Variants in DST observed in about 807,000 individuals in gnomAD.
The protein encoded by DST is bullous pemphigoid antigen.
DST carries 253 observed loss-of-function variants against 875.2 expected under a neutral mutation model. That is an observed-to-expected ratio of 0.29 (90% CI 0.26 to 0.32). DST has a LOEUF of 0.32. DST is among the 10% of genes least tolerant of loss of function. The pLI is 1.00. For synonymous variants in DST, 3,124 were observed against 3,197.1 expected, an observed-to-expected ratio of 0.98 and a Z score of 0.77; for missense variants, 8,287 against 9,111.6, an observed-to-expected ratio of 0.91 and a Z score of 3.68.
At chr6:56,485,169 G>A (rs1394590853) in intron 88 of DST, 143 bp downstream of exon 88, 8 of 865,156 alleles carry the variant, frequency 9.2e-6, no homozygotes, top group African/African-American at 5.1e-5. Flanking sequence ...CTGCTCAAAC[G>A]GACACATATT....
At chr6:56,916,800 A>T (rs960829702) in intron 2 of DST, among the ~76,000 whole-genome samples, 22 of 148,180 alleles carry the variant, frequency 1.5e-4, no homozygotes, top group African/African-American at 4.3e-4. Flanking sequence ...ACACACACAC[A>T]CACACACACA....
At position 56,466,064 on chromosome 6, in the gene DST, A is replaced by G; in HGVS notation, c.22687+14T>C. The G allele has an allele frequency of 6.4e-7, 1 of 1,574,612 alleles. No individual in the cohort carries two copies. The highest frequency in any genetic ancestry group is 2.2e-5 in the East Asian group (1 of 44,542). ...AATACTTTCATGATGTTATCATGAT[A>G]AGCATCTCCTTACCCCTGCAAGGAT... On this transcript the variant is annotated intron_variant, in intron 99 of 103. Transcript: ENST00000680361.
At chr6:56,700,409 T>A (rs914805639) in intron 8 of DST, among the ~76,000 whole-genome samples, 12 of 152,078 alleles carry the variant, frequency 7.9e-5, no homozygotes, top group East Asian at 1.9e-4. Flanking sequence ...TTAGAAAAAA[T>A]TTTGTCTTTT....
rs750052381 is a variant in DST, at chr6:56,458,964, T to C, written c.*41A>G. 1.7e-5 allele frequency: 25 copies of C among 1,497,364 alleles called. No homozygotes were observed. The highest frequency in any genetic ancestry group is 1.1e-4 in the East Asian group (5 of 43,490). The allele number at this position is 1,497,364 out of a possible 1,614,324, so 92.8% of individuals were successfully genotyped here. A position where few individuals can be genotyped will look rare whatever the true frequency, so the allele number is the denominator to read the frequency against. ...ATATTTTACATCGTTCAAACTTAAA[T>C]AATAAATGCTCAAGGAAGGGCCTTG... On this transcript the variant is annotated 3_prime_UTR_variant, in exon 104 of 104. Transcript: ENST00000680361.
intron 3 of DST, chr6:56,871,753 G>A (rs544674973): frequency 3.6e-5 from 12 of 337,788 alleles, no homozygotes; most frequent in Admixed American, 1.1e-4. Context: ...TAAATTCAGC[G>A]TTAAAATAAA....
intron 90 of DST, among the ~76,000 whole-genome samples, chr6:56,481,162 T>A (rs2095387372): frequency 6.6e-6 from 1 of 152,192 alleles, no homozygotes; most frequent in East Asian, 1.9e-4. Flanking sequence ...TTAATTAACA[T>A]AACAAGTCTC....
chr6:56,757,593 A>T (rs940507480), intron 4 of DST, among the ~76,000 whole-genome samples: 1 of 152,246 alleles, frequency 6.6e-6, no homozygotes, highest in African/African-American at 2.4e-5. Context: ...CTTACTTTCA[A>T]TAACAAAGTT....
At chr6:56,503,702 C>G (rs904453327) in intron 78 of DST, among the ~76,000 whole-genome samples, 1 of 151,116 alleles carries the variant, frequency 6.6e-6, no homozygotes, top group African/African-American at 2.4e-5. Flanking sequence ...AGGTATATAA[C>G]ATTTTGGGTG....
intron 9 of DST, chr6:56,692,257 G>T: frequency 4.7e-6 from 2 of 425,098 alleles, no homozygotes; most frequent in Non-Finnish European, 7.7e-6. Flanking sequence ...CTAACAAAAC[G>T]CAACAGAAAC....
rs750422351 is a variant in DST, at chr6:56,616,277, G to C, written c.4930-1793C>G. On this transcript the variant is annotated intron_variant, in intron 36 of 103. Coordinates refer to ENST00000680361, the MANE Select transcript of DST (RefSeq NM_001374736.1). Reference sequence around the variant, plus strand: ...CTCATTAATATTGAAGTGTAATCCTGTTTTAGTATCAGTCAGCATATGAGA... The same window carrying C: ...CTCATTAATATTGAAGTGTAATCCTCTTTTAGTATCAGTCAGCATATGAGA... 16 of 1,613,904 alleles carry C rather than the reference G, an allele frequency of 9.9e-6. No homozygotes were observed. The South Asian group carries it at 1.8e-4, about 18-fold the overall frequency.
intron 2 of DST, 47 bp downstream of exon 2, chr6:56,953,738 G>A: frequency 1.6e-6 from 2 of 1,285,948 alleles, no homozygotes; most frequent in Non-Finnish European, 2.1e-6. Flanking sequence ...TGGTACTCAG[G>A]AAAGAGAACT....
At chr6:56,900,293 G>T in intron 3 of DST, 128 bp downstream of exon 3, 1 of 722,996 alleles carries the variant, frequency 1.4e-6, no homozygotes, top group Non-Finnish European at 2.1e-6. Context: ...TGAGTACGCT[G>T]CCACTTGTTG....
chr6:56,754,052 C>T lies in DST; in HGVS notation c.626-18763G>A, dbSNP rs74841271. 2.7e-3 allele frequency among the ~76,000 whole-genome samples: 407 copies of T among 152,282 alleles called. 2 individuals carry two copies. The highest frequency in any genetic ancestry group is 8.3e-3 in the African/African-American group (343 of 41,568). On this transcript the variant is annotated intron_variant, in intron 4 of 103. Transcript: ENST00000680361. ...CATGAGCCATTTTGGAAATTCACTT[C>T]ATACCACTGATAATGAAATTTTCAA...
intron 4 of DST, among the ~76,000 whole-genome samples, chr6:56,755,215 C>A (rs1271690448): frequency 1.3e-5 from 2 of 151,422 alleles, no homozygotes; most frequent in Non-Finnish European, 2.9e-5. Flanking sequence ...AGAAGAGTTA[C>A]CAGTGTAACC....
intron 9 of DST, among the ~76,000 whole-genome samples, chr6:56,688,441 AT>A (rs1412400513): frequency 6.6e-6 from 1 of 152,066 alleles, no homozygotes; most frequent in African/African-American, 2.4e-5. Flanking sequence ...ATAGCTCTTA[AT>A]TTTTTTTCAA....
intron 4 of DST, chr6:56,843,708 A>G: frequency 5.4e-6 from 1 of 184,498 alleles, no homozygotes; most frequent in Non-Finnish European, 7.4e-6. Flanking sequence ...GGGAGGGAGG[A>G]GGGTGGAGGG....
chr6:56,858,692 T>C (rs905981877), intron 3 of DST, among the ~76,000 whole-genome samples: 22 of 152,186 alleles, frequency 1.4e-4, no homozygotes, highest in Admixed American at 1.2e-3. Context: ...CAGTTCCCAA[T>C]AGGGATATCA....
intron 55 of DST, among the ~76,000 whole-genome samples, chr6:56,562,690 C>T (rs140390949): frequency 0.014 from 2,190 of 151,826 alleles, 41 homozygotes; most frequent in African/African-American, 0.048. Context: ...TTGCTGCACC[C>T]GTCAACCCAT....
At chr6:56,462,763 A>G (rs1358136646) in intron 102 of DST, among the ~76,000 whole-genome samples, 3 of 152,168 alleles carry the variant, frequency 2.0e-5, no homozygotes, top group Non-Finnish European at 2.9e-5. Context: ...CTCCCAAGAG[A>G]TAACAGTGGA....
Sources: gnomAD v4.1 joint callset for allele counts (sites outside exome capture counted in the v4.1 genomes callset) on GRCh38, gnomAD v4.1.1 for gene constraint, MANE v1.5 for transcripts, NCBI Gene and HGNC (gene_info 2026-07-23, HGNC 2026-07-21) for gene names.